Variants in PTPRN2 observed in about 807,000 individuals in gnomAD.
PTPRN2 encodes the protein protein tyrosine phosphatase receptor type N2, also known as receptor-type tyrosine-protein phosphatase N2.
In PTPRN2, 74 loss-of-function variants were observed where a neutral mutation model predicts 118.8. That is an observed-to-expected ratio of 0.62 (90% confidence interval 0.52 to 0.76). PTPRN2 has a LOEUF of 0.76. PTPRN2 is among the 30% of genes least tolerant of loss of function. The pLI is 0.00. For synonymous variants in PTPRN2, 641 were observed against 608.0 expected (o/e 1.05, Z -0.80); for missense variants, 1,481 against 1,394.4 (o/e 1.06, Z -0.99).
chr7:157,851,697 C>G (rs115614153), intron 12 of PTPRN2, among the ~76,000 whole-genome samples: 1 of 152,222 alleles, frequency 6.6e-6, no homozygotes, highest in Non-Finnish European at 1.5e-5. Flanking sequence ...GAAACCCTAA[C>G]AAAACCCCTG....
intron 11 of PTPRN2, among the ~76,000 whole-genome samples, chr7:157,911,243 G>A (rs1798088967): frequency 6.6e-6 from 1 of 152,174 alleles, no homozygotes; most frequent in African/African-American, 2.4e-5. Context: ...ACGTCTGCAT[G>A]GTGACTGGGC....
At chr7:158,385,637 G>A (rs1413465542) in intron 2 of PTPRN2, among the ~76,000 whole-genome samples, 2 of 152,136 alleles carry the variant, frequency 1.3e-5, no homozygotes, top group Non-Finnish European at 2.9e-5. Flanking sequence ...TTTTAATGGG[G>A]TTTAGATATT....
intron 3 of PTPRN2, among the ~76,000 whole-genome samples, chr7:158,280,149 C>T (rs769103844): frequency 1.2e-4 from 18 of 152,214 alleles, no homozygotes; most frequent in Non-Finnish European, 2.6e-4. Flanking sequence ...TTTCACAGAC[C>T]GCATAATATG....
At chr7:158,272,166 G>A (rs989837821) in intron 3 of PTPRN2, among the ~76,000 whole-genome samples, 2 of 152,160 alleles carry the variant, frequency 1.3e-5, no homozygotes, top group Non-Finnish European at 2.9e-5. Context: ...GCTGGCAGAG[G>A]AGGGTCTAGA....
intron 14 of PTPRN2, among the ~76,000 whole-genome samples, chr7:157,650,712 G>A (rs750366443): frequency 6.6e-6 from 1 of 152,252 alleles, no homozygotes; most frequent in Admixed American, 6.5e-5. Flanking sequence ...GGAGGGACTG[G>A]GGCCAGGGGA....
At chr7:157,925,670 G>A (rs527282071) in intron 11 of PTPRN2, among the ~76,000 whole-genome samples, 1 of 152,020 alleles carries the variant, frequency 6.6e-6, no homozygotes, top group Non-Finnish European at 1.5e-5. Context: ...GAGCCGCTGG[G>A]GACCCTGTTA....
rs938866848 is a variant in PTPRN2, at chr7:157,860,805, C to T, written c.1788+37868G>A. On this transcript the variant is annotated intron_variant, in intron 12 of 22. Coordinates refer to ENST00000389418, the MANE Select transcript of PTPRN2 (RefSeq NM_002847.5). ...AAACAGAACTGGCAGCATTCACGGT[C>T]CGTCCAACCAGGGAAGGCCACTGAC... Among the ~76,000 whole-genome samples the T allele has an allele frequency of 4.6e-5, 7 of 152,232 alleles. No individual in the cohort carries two copies. The East Asian group carries it at 1.2e-3, about 25-fold the overall frequency.
At position 158,324,229 on chromosome 7, in the gene PTPRN2, G is replaced by A. The variant is rs1442288616; in HGVS notation, c.164-7297C>T. On this transcript the variant is annotated intron_variant, in intron 2 of 22. Coordinates refer to ENST00000389418, the MANE Select transcript of PTPRN2 (RefSeq NM_002847.5). ...GGACCACCCTCTCCCCGGTGACACC[G>A]TGAGTTCCTGGAAGGCAGGGATCAC... is the stretch of plus-strand genomic sequence containing the variant. Among the ~76,000 whole-genome samples the A allele has an allele frequency of 9.9e-5, 15 of 152,282 alleles. No homozygotes were observed. In the South Asian group the frequency reaches 1.0e-3, roughly 11 times the overall value.
intron 2 of PTPRN2, among the ~76,000 whole-genome samples, chr7:158,429,476 G>A (rs1032559880): frequency 5.3e-5 from 8 of 152,176 alleles, no homozygotes; most frequent in Non-Finnish European, 1.0e-4. Context: ...CCCACGGACC[G>A]TCAGCCCAAT....
At chr7:158,175,744 A>G (rs141234768) in intron 5 of PTPRN2, among the ~76,000 whole-genome samples, 195 of 152,346 alleles carry the variant, frequency 1.3e-3, no homozygotes, top group Middle Eastern at 6.8e-3. Context: ...CACAAAATCT[A>G]TGAGGTTGAA....
At chr7:157,789,712 T>C (rs2151072080) in intron 12 of PTPRN2, among the ~76,000 whole-genome samples, 2 of 149,926 alleles carry the variant, frequency 1.3e-5, no homozygotes, top group African/African-American at 4.9e-5. Flanking sequence ...GTGGTGTGTG[T>C]GGTATGGTGT....
rs974867202 is a variant in PTPRN2 at position 157,944,017 on chromosome 7, G to A, written c.1724-45280C>T. Among the ~76,000 whole-genome samples, 2 of 152,164 alleles carry A rather than the reference G, an allele frequency of 1.3e-5. No homozygotes were observed. The highest frequency in any genetic ancestry group is 4.8e-5 in the African/African-American group (2 of 41,424). ...TTCCTCTGCCACTTTTCTCCACGTTGTAAGGGTTTTAAACCAATGTTTCTA... is the reference window on the plus strand; with the variant it reads ...TTCCTCTGCCACTTTTCTCCACGTTATAAGGGTTTTAAACCAATGTTTCTA... On this transcript the variant is annotated intron_variant, in intron 11 of 22. Transcript: ENST00000389418. The surrounding 1 kb of genome is among the most constrained non-coding windows in gnomAD (Gnocchi z 4.3).
chr7:158,229,535 T>C (rs565988387), intron 3 of PTPRN2, among the ~76,000 whole-genome samples: 209 of 151,920 alleles, frequency 1.4e-3, no homozygotes, highest in South Asian at 2.7e-3. Context: ...AACAAAGAGA[T>C]TGAAACAATT....
At chr7:157,704,598 C>G (rs2150872125) in intron 12 of PTPRN2, among the ~76,000 whole-genome samples, 1 of 152,306 alleles carries the variant, frequency 6.6e-6, no homozygotes, top group South Asian at 2.1e-4. Flanking sequence ...CCTGGCTCCC[C>G]ACATTCGCTT....
intron 3 of PTPRN2, among the ~76,000 whole-genome samples, chr7:158,290,195 G>C (rs1444845510): frequency 3.3e-5 from 5 of 152,082 alleles, no homozygotes; most frequent in Admixed American, 6.5e-5. Flanking sequence ...AAAGGGGCTG[G>C]CTGGCACCAG....
Position 158,509,923 on chromosome 7 carries a change from T to G in PTPRN2, c.113-20138A>C, listed in dbSNP as rs1197174860. ...ATGTTCATGGCCCTCAAATGTACAC[T>G]TGAGGCCAGGCTATGAGGGGAGCAC... On this transcript the variant is annotated intron_variant, in intron 1 of 22. Transcript: ENST00000389418. This position sits in a 1 kb window ranked among gnomAD's most constrained non-coding sequence, Gnocchi z 4.4. Among the ~76,000 whole-genome samples the G allele has an allele frequency of 6.6e-6, 1 of 152,096 alleles. No individual in the cohort carries two copies. Among genetic ancestry groups the G allele is most frequent in the African/African-American group, 2.4e-5 (1 of 41,372 alleles).
At position 158,109,855 on chromosome 7, in the gene PTPRN2, C is replaced by T. The variant is rs78887432; in HGVS notation, c.1643+974G>A. The stretch of plus-strand genomic sequence containing the variant: ...GTGTAAAGAGTCAGTGAGTGAATGA[C>T]GTCACCCCTATGTGAAGGGGACAGT... On this transcript the variant is annotated intron_variant, in intron 10 of 22. Coordinates refer to ENST00000389418, the MANE Select transcript of PTPRN2 (RefSeq NM_002847.5). Among the ~76,000 whole-genome samples, 798 of 150,636 alleles carry T rather than the reference C, an allele frequency of 5.3e-3. 26 individuals are homozygous for T. In the East Asian group the frequency reaches 0.1, roughly 19 times the overall value.
Position 158,163,469 on chromosome 7 carries a change from C to T in PTPRN2, c.910+3462G>A, listed in dbSNP as rs745678914. ...TGTACCGGGTTCTCAATATTCTCTG[C>T]GTGTTTTGTAGGTGATACCTGTACG... On this transcript the variant is annotated intron_variant, in intron 6 of 22. Transcript: ENST00000389418. Among the ~76,000 whole-genome samples the T allele has an allele frequency of 4.1e-4, 60 of 145,170 alleles. No individual in the cohort carries two copies. In the Middle Eastern group the frequency reaches 0.013, roughly 32 times the overall value.
intron 11 of PTPRN2, among the ~76,000 whole-genome samples, chr7:158,049,330 G>A (rs146169195): frequency 1.2e-4 from 19 of 152,102 alleles, no homozygotes; most frequent in Non-Finnish European, 2.1e-4. Flanking sequence ...TCTCTGTGCC[G>A]TCTTCCTCTA....
Sources: allele counts gnomAD v4.1 joint callset (sites outside exome capture counted in the v4.1 genomes callset), GRCh38; gene constraint gnomAD v4.1.1; non-coding constraint Gnocchi (gnomAD v3.1); transcripts MANE v1.5; gene names NCBI Gene and HGNC (gene_info 2026-07-23, HGNC 2026-07-21).